The following CLIP4 variants were observed in gnomAD, a reference collection of about 807,000 sequenced individuals.
CLIP4 encodes CAP-Gly domain-containing linker protein 4.
Under a neutral mutation model 73.1 loss-of-function variants are expected in CLIP4, and 47 were observed. The observed-to-expected ratio is 0.64, with a 90% CI of 0.51 to 0.82. The LOEUF (loss-of-function observed/expected upper bound fraction) is 0.82, where lower values mean the gene tolerates loss of function less well. CLIP4 is among the 40% of genes least tolerant of loss of function. The probability of loss-of-function intolerance (pLI) is 0.00; values close to 1 mark genes in which losing one functional copy is unlikely to be tolerated. For missense variants in CLIP4, 874 were observed against 852.9 expected (o/e 1.02, Z -0.31); for synonymous variants, 306 against 295.4 (o/e 1.04, Z -0.37).
chr2:29,180,565 T>C (rs1668588211), intron 15 of CLIP4, among the ~76,000 whole-genome samples: 1 of 152,216 alleles, frequency 6.6e-6, no homozygotes, highest in East Asian at 1.9e-4. Context: ...AGAACATACA[T>C]ACATATGTGT....
chr2:29,166,406 C>T (rs895057401), intron 13 of CLIP4, among the ~76,000 whole-genome samples: 2 of 151,794 alleles, frequency 1.3e-5, no homozygotes, highest in African/African-American at 2.4e-5. Context: ...TTTCTACACC[C>T]GCCTACTATT....
chr2:29,126,308 A>G (rs1400645897), intron 2 of CLIP4, among the ~76,000 whole-genome samples: 1 of 152,252 alleles, frequency 6.6e-6, no homozygotes, highest in East Asian at 1.9e-4. Context: ...ATGTTAATAT[A>G]TTATTGCATT....
At chr2:29,121,169 C>T (rs770532025) in intron 1 of CLIP4, among the ~76,000 whole-genome samples, 25 of 152,022 alleles carry the variant, frequency 1.6e-4, no homozygotes, top group Non-Finnish European at 2.6e-4. Flanking sequence ...CATGTGCTAC[C>T]GACTGGTATA....
chr2:29,166,910 G>A (rs1401699740), intron 13 of CLIP4, among the ~76,000 whole-genome samples: 1 of 152,146 alleles, frequency 6.6e-6, no homozygotes, highest in Non-Finnish European at 1.5e-5. Flanking sequence ...GAAAGAAAAT[G>A]AGCCTGTCAG....
chr2:29,158,033 A>T (rs906092148), intron 11 of CLIP4, among the ~76,000 whole-genome samples: 1 of 152,200 alleles, frequency 6.6e-6, no homozygotes, highest in African/African-American at 2.4e-5. Flanking sequence ...AATATTCATG[A>T]CAGATTTCTA....
At chr2:29,171,039 C>G (rs1217109133) in intron 14 of CLIP4, among the ~76,000 whole-genome samples, 1 of 152,120 alleles carries the variant, frequency 6.6e-6, no homozygotes, top group Admixed American at 6.6e-5. Flanking sequence ...TGTCAATCCT[C>G]TGGTTTTGAT....
chr2:29,173,975 A>G (rs1007527211), intron 14 of CLIP4, among the ~76,000 whole-genome samples: 5 of 152,200 alleles, frequency 3.3e-5, no homozygotes, highest in Non-Finnish European at 7.3e-5. Context: ...TTTTTAAGAA[A>G]TCTTATAATG....
intron 2 of CLIP4, among the ~76,000 whole-genome samples, chr2:29,127,444 T>G (rs1664676217): frequency 6.6e-6 from 1 of 152,190 alleles, no homozygotes; most frequent in South Asian, 2.1e-4. Flanking sequence ...TCATTTTTGT[T>G]TACAAAAGTA....
At chr2:29,131,445 G>C in intron 3 of CLIP4, 48 bp downstream of exon 3, 1 of 1,533,438 alleles carries the variant, frequency 6.5e-7, no homozygotes, top group Non-Finnish European at 8.7e-7. Flanking sequence ...GATTGTTAAT[G>C]GTATAGATTT....
At chr2:29,154,551 T>C (rs1323116610) in intron 9 of CLIP4, among the ~76,000 whole-genome samples, 3 of 152,150 alleles carry the variant, frequency 2.0e-5, no homozygotes, top group South Asian at 4.1e-4. Context: ...AGTCTCAGGA[T>C]TGTATGACAG....
intron 4 of CLIP4, chr2:29,132,524 G>GA (rs1302590781): frequency 8.3e-6 from 3 of 362,098 alleles, no homozygotes; most frequent in Non-Finnish European, 9.9e-6. Flanking sequence ...AAATCTTTCT[G>GA]AGGGTTTATA....
chr2:29,113,137 TC>T (rs1398992770), upstream of CLIP4, among the ~76,000 whole-genome samples: 10 of 152,334 alleles, frequency 6.6e-5, 1 homozygote, highest in African/African-American at 1.7e-4. This position sits in a 1 kb window ranked among gnomAD's most constrained non-coding sequence, Gnocchi z 4.0. Flanking sequence ...TCACGCAGCC[TC>T]CCAGAGTCTG....
intron 2 of CLIP4, among the ~76,000 whole-genome samples, chr2:29,122,364 C>T (rs1420511249): frequency 2.6e-5 from 4 of 151,754 alleles, no homozygotes; most frequent in African/African-American, 9.7e-5. Context: ...ATCAACTGGG[C>T]TTATTTTCAG....
At chr2:29,122,890 A>G (rs1438377097) in intron 2 of CLIP4, among the ~76,000 whole-genome samples, 1 of 147,232 alleles carries the variant, frequency 6.8e-6, no homozygotes, top group Non-Finnish European at 1.5e-5. Context: ...GTAGACTCTT[A>G]TGAACCTTTC....
chr2:29,143,785 C>A lies in CLIP4; in HGVS notation c.725C>A (p.Ala242Asp), dbSNP rs1665953439. 1 of 1,614,116 alleles carries A rather than the reference C, an allele frequency of 6.2e-7. No homozygotes were observed. Residue 242 changes from alanine to aspartate, a missense_variant, in exon 7 of 16, where the codon GCC becomes GAC. Transcript: ENST00000320081. ...CCGTTAGAGATGGCTGACGCCGCAG[C>A]CACTGCTAAGGAAATCAAGCAGATG... ...DMPLEMADAA[A>D]TAKEIKQMLL...
intron 13 of CLIP4, 88 bp from the exon 14 acceptor site, chr2:29,167,388 A>G: frequency 1.3e-6 from 1 of 779,706 alleles, no homozygotes; most frequent in Non-Finnish European, 2.0e-6. Context: ...ATGAATGACT[A>G]CAATTGGTGT....
intron 9 of CLIP4, 64 bp from the exon 10 acceptor site, chr2:29,156,289 TA>T: frequency 2.6e-6 from 3 of 1,159,520 alleles, no homozygotes; most frequent in Non-Finnish European, 3.6e-6. Context: ...GCATGTACTT[TA>T]AAAAATACAT....
intron 3 of CLIP4, 30 bp downstream of exon 3, chr2:29,131,427 A>G: frequency 1.3e-6 from 2 of 1,569,220 alleles, no homozygotes; most frequent in South Asian, 2.4e-5. Flanking sequence ...TAAGTTTTGC[A>G]TTGTTAGGAT....
intron 6 of CLIP4, among the ~76,000 whole-genome samples, chr2:29,141,188 A>G (rs1341925883): frequency 6.6e-6 from 1 of 152,086 alleles, no homozygotes; most frequent in Non-Finnish European, 1.5e-5. Flanking sequence ...CGGTGGTCCA[A>G]GAGATTCTTG....
Sources: gnomAD v4.1 joint callset for allele counts (sites outside exome capture counted in the v4.1 genomes callset) on GRCh38, gnomAD v4.1.1 for gene constraint, Gnocchi (gnomAD v3.1) non-coding constraint, MANE v1.5 for transcripts, NCBI Gene and HGNC (gene_info 2026-07-23, HGNC 2026-07-21) for gene names.